Variants in CLOCK observed in about 807,000 individuals in gnomAD.
The protein encoded by CLOCK is circadian locomoter output cycles protein kaput.
In CLOCK, 43 loss-of-function variants were observed where a neutral mutation model predicts 118.4. That is an observed-to-expected ratio of 0.36 (90% CI 0.28 to 0.47). The LOEUF is 0.47. CLOCK is among the 20% of genes least tolerant of loss of function. CLOCK has a pLI of 1.00. For synonymous variants in CLOCK, 326 were observed against 339.2 expected, an observed-to-expected ratio of 0.96 and a Z score of 0.43; for missense variants, 846 against 999.9, an observed-to-expected ratio of 0.85 and a Z score of 2.08.
At chr4:55,532,373 C>T (rs532470647) in intron 1 of CLOCK, among the ~76,000 whole-genome samples, 15 of 152,144 alleles carry the variant, frequency 9.9e-5, no homozygotes, top group African/African-American at 3.6e-4. Context: ...AGAAAATTAT[C>T]TCTGTATACA....
chr4:55,465,822 T>C (rs1355729713), intron 8 of CLOCK, among the ~76,000 whole-genome samples: 1 of 151,952 alleles, frequency 6.6e-6, no homozygotes, highest in African/African-American at 2.4e-5. Flanking sequence ...CATGGTGGTG[T>C]GCACCTATAA....
At chr4:55,448,595 CGCGCGCGTGTGTGTGTGTGTGT>C (rs1724109237) in intron 18 of CLOCK, among the ~76,000 whole-genome samples, 162 bp downstream of exon 18, 2 of 33,250 alleles carry the variant, frequency 6.0e-5, no homozygotes, top group African/African-American at 2.1e-4. Flanking sequence ...CGCGCGCGCA[CGCGCGCGTGTGTGTGTGTGTGT>C]GTGTGTGTGT....
Position 55,458,959 on chromosome 4 carries a change from C to T in CLOCK, c.725G>A (p.Arg242Lys), listed in dbSNP as rs774290794. The change falls in exon 11 of 23, where the codon AGG (arginine) becomes AAG (lysine). Residue 242 changes from arginine (R) to lysine (K), a missense_variant. Arg to Lys is a conservative substitution (Grantham distance 26). Coordinates refer to ENST00000513440, the MANE Select transcript of CLOCK (RefSeq NM_004898.4). ...ACAAACTCTATCTTCATAAGATGGCCTATGTGTGCGTTGTATAGTTCCTTC... is the reference window on the plus strand; with the variant it reads ...ACAAACTCTATCTTCATAAGATGGCTTATGTGTGCGTTGTATAGTTCCTTC... The part of the protein sequence containing the change: ...GFEGTIQRTH[R>K]PSYEDRVCFV... 4 of 1,613,792 alleles carry T rather than the reference C, an allele frequency of 2.5e-6. No homozygotes were observed. The African/African-American group carries it at 5.3e-5, about 22-fold the overall frequency.
chr4:55,435,793 G>A (rs955970715), intron 22 of CLOCK, among the ~76,000 whole-genome samples, 199 bp from the exon 23 acceptor site: 2 of 152,194 alleles, frequency 1.3e-5, no homozygotes, highest in Non-Finnish European at 2.9e-5. Context: ...GTATGAGAGA[G>A]TTTCATTTTT....
chr4:55,477,347 T>C (rs1055866285), intron 6 of CLOCK, among the ~76,000 whole-genome samples: 1 of 152,022 alleles, frequency 6.6e-6, no homozygotes, highest in African/African-American at 2.4e-5. Context: ...CATTTAACAA[T>C]AGGCACTGAG....
At chr4:55,456,076 T>G (rs924860464) in intron 12 of CLOCK, 73 bp from the exon 13 acceptor site, 29 of 966,346 alleles carry the variant, frequency 3.0e-5, no homozygotes, top group Non-Finnish European at 4.2e-5. Context: ...GAAATAAACT[T>G]TGGGGGGGGG....
chr4:55,538,276 C>T (rs1731037458), intron 1 of CLOCK, among the ~76,000 whole-genome samples: 1 of 152,130 alleles, frequency 6.6e-6, no homozygotes, highest in Non-Finnish European at 1.5e-5. Context: ...AACCATATGA[C>T]CAATAACCAA....
At position 55,448,857 on chromosome 4, in the gene CLOCK, G is replaced by C. The variant is rs1336466736; in HGVS notation, c.1461C>G (p.Ser487=). The C allele has an allele frequency of 1.2e-6, 2 of 1,613,248 alleles. No individual in the cohort carries two copies. Among genetic ancestry groups the C allele is most frequent in the Non-Finnish European group, 8.5e-7 (1 of 1,179,410 alleles). The part of the protein sequence containing the change: ...RSSFSSQSIN[S]QSVGSSLTQP... ...GTGTTAATGATGAACCAACAGACTG[G>C]GAATTTATGGACTAGAGCAAAATAA... is the stretch of plus-strand genomic sequence containing the variant. Residue 487 remains serine, a synonymous_variant, in exon 18 of 23, where the codon TCC becomes TCG. Transcript: ENST00000513440.
chr4:55,479,698 C>T lies in CLOCK; in HGVS notation c.49G>A (p.Asp17Asn), dbSNP rs191090203. 7 of 1,612,578 alleles carry T rather than the reference C, an allele frequency of 4.3e-6. No homozygotes were observed. Among genetic ancestry groups the T allele is most frequent in the Non-Finnish European group, 1.7e-6 (2 of 1,178,986 alleles). The change falls in exon 5 of 23, where the codon GAT (aspartate) becomes AAT (asparagine). Residue 17 changes from aspartate (D) to asparagine (N), a missense_variant and splice_region_variant. This residue lies in a region of CLOCK where 246 missense variants were observed against 300.2 expected (regional missense o/e 0.82). Coordinates refer to ENST00000513440, the MANE Select transcript of CLOCK (RefSeq NM_004898.4). ...AACCCATCAAAAATACTACTGTCAT[C>T]TCTAAAAGAAAGCGGATAGAGAAAG... ...CSKMSSIVDR[D>N]DSSIFDGLVE...
intron 1 of CLOCK, among the ~76,000 whole-genome samples, chr4:55,517,702 A>G (rs1729603888): frequency 6.6e-6 from 1 of 152,132 alleles, no homozygotes; most frequent in Non-Finnish European, 1.5e-5. Context: ...TATGTAGATT[A>G]GACTCTGCAG....
intron 1 of CLOCK, among the ~76,000 whole-genome samples, chr4:55,539,222 G>A (rs1731093860): frequency 7.0e-6 from 1 of 142,690 alleles, no homozygotes; most frequent in Non-Finnish European, 1.5e-5. Flanking sequence ...GCAACAGAAC[G>A]AGACTGTCTC....
chr4:55,472,741 C>T (rs140842317), intron 7 of CLOCK, among the ~76,000 whole-genome samples: 4 of 151,872 alleles, frequency 2.6e-5, no homozygotes, highest in Non-Finnish European at 5.9e-5. Flanking sequence ...TTGTCCCCCC[C>T]CTTCTTTTGG....
chr4:55,499,688 G>A (rs1315849170), intron 2 of CLOCK, among the ~76,000 whole-genome samples: 4 of 152,184 alleles, frequency 2.6e-5, no homozygotes, highest in East Asian at 1.9e-4. Flanking sequence ...TTTTCAAAGC[G>A]TTCACAATGC....
intron 3 of CLOCK, among the ~76,000 whole-genome samples, chr4:55,484,933 C>T (rs950004597): frequency 2.0e-5 from 3 of 152,022 alleles, no homozygotes; most frequent in Admixed American, 6.6e-5. Flanking sequence ...AATTATTTGT[C>T]GTCCAGCTAA....
In CLOCK at chr4:55,453,236, C is replaced by G. The variant is rs1724626231; in HGVS notation, c.1131-107G>C. The G allele has an allele frequency of 8.7e-6, 8 of 917,582 alleles. No homozygotes were observed. In the East Asian group the frequency reaches 2.0e-4, roughly 23 times the overall value. The allele number at this position is 917,582 out of a possible 1,614,324, so 56.8% of individuals were successfully genotyped here. ...TACGTGTCTCATCTGTTCATCTAGA[C>G]TATTTGCTATGTGCTACACAAACCT... On this transcript the variant is annotated intron_variant, in intron 14 of 22. Transcript: ENST00000513440.
At chr4:55,519,276 C>T (rs1729707751) in intron 1 of CLOCK, among the ~76,000 whole-genome samples, 1 of 152,202 alleles carries the variant, frequency 6.6e-6, no homozygotes, top group African/African-American at 2.4e-5. Flanking sequence ...AGGCTGGTCT[C>T]AAACTCCTAG....
At chr4:55,509,041 T>C (rs1030403154) in intron 2 of CLOCK, among the ~76,000 whole-genome samples, 1 of 152,188 alleles carries the variant, frequency 6.6e-6, no homozygotes, top group African/African-American at 2.4e-5. Context: ...CAGCATGCAA[T>C]GGTACTGAAT....
At chr4:55,497,589 C>G (rs185950912) in intron 2 of CLOCK, among the ~76,000 whole-genome samples, 2 of 152,158 alleles carry the variant, frequency 1.3e-5, no homozygotes, top group Admixed American at 6.5e-5. Context: ...TAAAAGACTA[C>G]AGTACTATGC....
chr4:55,510,535 G>A (rs1317618302), intron 1 of CLOCK, among the ~76,000 whole-genome samples: 2 of 150,788 alleles, frequency 1.3e-5, no homozygotes, highest in East Asian at 3.9e-4. Context: ...GCTGAGGCAG[G>A]AGAATAGCTT....
Sources: allele counts gnomAD v4.1 joint callset (sites outside exome capture counted in the v4.1 genomes callset), GRCh38; gene constraint gnomAD v4.1.1; regional missense constraint gnomAD v4.1.1; transcripts MANE v1.5; gene names NCBI Gene and HGNC (gene_info 2026-07-23, HGNC 2026-07-21).